Variants in ZNF451 observed in about 807,000 individuals in gnomAD.
ZNF451 encodes zinc finger protein 451.
Under a neutral mutation model 107.1 loss-of-function variants are expected in ZNF451, and 80 were observed. The observed-to-expected ratio is 0.75, with a 90% CI of 0.62 to 0.90. The LOEUF (loss-of-function observed/expected upper bound fraction) is 0.90, where lower values mean the gene tolerates loss of function less well. Among genes scored for constraint, ZNF451 ranks in the 40% least tolerant of loss-of-function variants. ZNF451 has a pLI of 0.00. For missense variants in ZNF451, 1,107 were observed against 1,236.2 expected (o/e 0.90, Z 1.57); for synonymous variants, 362 against 406.5 (o/e 0.89, Z 1.32).
chr6:57,145,328 G>A (rs1832009490), intron 9 of ZNF451, among the ~76,000 whole-genome samples: 1 of 152,104 alleles, frequency 6.6e-6, no homozygotes, highest in Non-Finnish European at 1.5e-5. Flanking sequence ...GATTCAGGGG[G>A]TACGAGTGCA....
At chr6:57,129,731 C>G (rs1471301223) in intron 5 of ZNF451, among the ~76,000 whole-genome samples, 1 of 152,110 alleles carries the variant, frequency 6.6e-6, no homozygotes, top group Non-Finnish European at 1.5e-5. Flanking sequence ...AGACACTTGG[C>G]ACCCCCTGAA....
chr6:57,127,516 A>G (rs932999027), intron 4 of ZNF451, among the ~76,000 whole-genome samples: 1 of 152,128 alleles, frequency 6.6e-6, no homozygotes, highest in Non-Finnish European at 1.5e-5. Context: ...TAGGCCATAC[A>G]TTATTATGGT....
chr6:57,119,343 A>G (rs184835564), intron 3 of ZNF451, among the ~76,000 whole-genome samples: 1 of 152,180 alleles, frequency 6.6e-6, no homozygotes, highest in African/African-American at 2.4e-5. Flanking sequence ...CCTGGCCAAC[A>G]TGGAGAAACC....
At chr6:57,125,011 T>C (rs1250346239) in intron 4 of ZNF451, 152 bp downstream of exon 4, 1 of 397,270 alleles carries the variant, frequency 2.5e-6, no homozygotes, top group African/African-American at 2.1e-5. Context: ...TCATAATAGC[T>C]TTTTACATCT....
intron 14 of ZNF451, among the ~76,000 whole-genome samples, chr6:57,167,594 G>C (rs1344145388): frequency 6.6e-6 from 1 of 152,146 alleles, no homozygotes; most frequent in African/African-American, 2.4e-5. Context: ...CCAATCAGAG[G>C]AACATGCGGT....
Position 57,147,721 on chromosome 6 carries a change from A to G in ZNF451, c.1636A>G (p.Ile546Val), listed in dbSNP as rs776317444. ...AAAGGAGTTAACAAGGAAAGATACT[A>G]TCATGGCACATGTGACTGAATTTCA... ...CKKELTRKDTIMAHVTEFHNG... is the reference protein window; with the variant it reads ...CKKELTRKDTVMAHVTEFHNG... Residue 546 changes from isoleucine (I) to valine (V), a missense_variant, in exon 10 of 15, where the codon ATC becomes GTC. Ile to Val is a conservative substitution (Grantham distance 29). Coordinates refer to ENST00000370706, the MANE Select transcript of ZNF451 (RefSeq NM_001031623.3). The G allele has an allele frequency of 3.1e-6, 5 of 1,613,990 alleles. No homozygotes were observed. Among genetic ancestry groups the G allele is most frequent in the Admixed American group, 3.3e-5 (2 of 60,016 alleles).
chr6:57,117,132 C>T (rs1488274409), intron 3 of ZNF451, among the ~76,000 whole-genome samples: 1 of 152,072 alleles, frequency 6.6e-6, no homozygotes, highest in Non-Finnish European at 1.5e-5. Context: ...TAACCATATA[C>T]AAGTTGAGTG....
At chr6:57,097,956 T>A (rs1242243757) in intron 2 of ZNF451, among the ~76,000 whole-genome samples, 1 of 147,818 alleles carries the variant, frequency 6.8e-6, no homozygotes, top group Middle Eastern at 3.3e-3. Flanking sequence ...TTATTTTTAT[T>A]TATATATTTA....
rs1763996314 is a variant in ZNF451, at chr6:57,168,409, GT to G, written c.3140-8del. On this transcript the variant is annotated splice_polypyrimidine_tract_variant and intron_variant, in intron 14 of 14. Transcript: ENST00000370706. ...TCTGCCCTAAGTGTTAAAATTCTATGTTTTTTAATGCAGATGTGGAATTAGA... is the reference window on the plus strand; with the variant it reads ...TCTGCCCTAAGTGTTAAAATTCTATGTTTTTAATGCAGATGTGGAATTAGA... 4 of 1,591,840 alleles carry G rather than the reference GT, an allele frequency of 2.5e-6. No homozygotes were observed. The highest frequency in any genetic ancestry group is 3.4e-6 in the Non-Finnish European group (4 of 1,164,288).
intron 14 of ZNF451, 75 bp from the exon 15 acceptor site, chr6:57,168,348 G>C (rs545024764): frequency 9.7e-7 from 1 of 1,031,782 alleles, no homozygotes; most frequent in Non-Finnish European, 1.5e-6. Context: ...GAATACAGTC[G>C]ATGAAACTTA....
intron 7 of ZNF451, among the ~76,000 whole-genome samples, chr6:57,135,780 T>A (rs1296146148): frequency 1.3e-5 from 2 of 152,192 alleles, no homozygotes; most frequent in East Asian, 3.8e-4. Context: ...ATATTAAATA[T>A]TCTGTTAACT....
Position 57,148,233 on chromosome 6 carries a change from C to A in ZNF451, c.2148C>A (p.Thr716=). Residue 716 remains threonine, a synonymous_variant, in exon 10 of 15, where the codon ACC becomes ACA. Coordinates refer to ENST00000370706, the MANE Select transcript of ZNF451 (RefSeq NM_001031623.3). The part of the protein sequence containing the change: ...KTEDDFPVIE[T]SNQLTCGCRE... ...AAGATGATTTTCCAGTAATAGAGAC[C>A]AGTAACCAGTTAACTTGTGGTTGCC... The A allele has an allele frequency of 6.2e-7, 1 of 1,613,898 alleles. No individual in the cohort carries two copies. The highest frequency in any genetic ancestry group is 8.5e-7 in the Non-Finnish European group (1 of 1,179,948).
intron 14 of ZNF451, chr6:57,165,668 A>AT (rs901968429): frequency 2.6e-5 from 4 of 151,958 alleles, no homozygotes; most frequent in African/African-American, 9.7e-5. Flanking sequence ...TTGTTCATAC[A>AT]TTTTTTTCCT....
In ZNF451 at chr6:57,150,706, TCTCTC is replaced by T. The variant is rs904019107; in HGVS notation, c.2609-12_2609-8del. On this transcript the variant is annotated splice_polypyrimidine_tract_variant and splice_region_variant and intron_variant, in intron 10 of 14. Transcript: ENST00000370706. ...TTCTTACTGAACTCATGTTGATATT[TCTCTC>T]TTCTCAGAGGAAGAAATTGTTGAGC... 1 of 1,585,218 alleles carries T rather than the reference TCTCTC, an allele frequency of 6.3e-7. No homozygotes were observed. The highest frequency in any genetic ancestry group is 1.4e-5 in the African/African-American group (1 of 73,306).
At chr6:57,151,002 C>T in intron 11 of ZNF451, 140 bp downstream of exon 11, 1 of 1,009,196 alleles carries the variant, frequency 9.9e-7, no homozygotes, top group East Asian at 2.6e-5. Context: ...TATAGTTACT[C>T]TGCTAGAATC....
intron 3 of ZNF451, chr6:57,105,544 G>A (rs892248931): frequency 2.0e-6 from 2 of 985,154 alleles, no homozygotes; most frequent in African/African-American, 1.7e-5. Context: ...ATGTTAATTT[G>A]TTTTCTTTAT....
At position 57,153,972 on chromosome 6, in the gene ZNF451, C is replaced by T. The variant is rs1427489333; in HGVS notation, c.2995C>T (p.His999Tyr). ...ATTTAAGAAGACTCAGAGGCCAGCTCATATACTAAACCCTCACCACTTAGA... is the reference window on the plus strand; with the variant it reads ...ATTTAAGAAGACTCAGAGGCCAGCTTATATACTAAACCCTCACCACTTAGA... Reference protein sequence around the residue: ...NQFKKTQRPAHILNPHHLEGD... With the variant: ...NQFKKTQRPAYILNPHHLEGD... Residue 999 changes from histidine (H) to tyrosine (Y), a missense_variant, in exon 13 of 15, where the codon CAT becomes TAT. Coordinates refer to ENST00000370706, the MANE Select transcript of ZNF451 (RefSeq NM_001031623.3). 6.2e-7 allele frequency: 1 copy of T among 1,614,176 alleles called. No individual in the cohort carries two copies. The highest frequency in any genetic ancestry group is 8.5e-7 in the Non-Finnish European group (1 of 1,180,040).
intron 7 of ZNF451, among the ~76,000 whole-genome samples, chr6:57,139,637 T>C (rs1435303717): frequency 6.6e-6 from 1 of 152,210 alleles, no homozygotes; most frequent in African/African-American, 2.4e-5. Context: ...TACATACACT[T>C]ATAAATACAC....
At chr6:57,143,102 C>T (rs985147351) in intron 9 of ZNF451, among the ~76,000 whole-genome samples, 2 of 152,012 alleles carry the variant, frequency 1.3e-5, no homozygotes, top group East Asian at 3.8e-4. Context: ...ATCTAGAATA[C>T]AGGAATTTCT....
Sources: allele counts gnomAD v4.1 joint callset (sites outside exome capture counted in the v4.1 genomes callset), GRCh38; gene constraint gnomAD v4.1.1; transcripts MANE v1.5; gene names NCBI Gene and HGNC (gene_info 2026-07-23, HGNC 2026-07-21).